NCOA2: variants seen among roughly 807,000 people sequenced by gnomAD.
The protein encoded by NCOA2 is nuclear receptor coactivator 2, also known as class E basic helix-loop-helix protein 75.
NCOA2 carries 21 observed loss-of-function variants against 145.1 expected under a neutral mutation model. That is an observed-to-expected ratio of 0.14 (90% confidence interval 0.10 to 0.21). NCOA2 has a LOEUF of 0.21. Ranked by LOEUF, NCOA2 falls within the 10% of genes least tolerant of loss-of-function variation. NCOA2 has a pLI of 1.00. For synonymous variants in NCOA2, 619 were observed against 637.5 expected (o/e 0.97, Z 0.44); for missense variants, 1,472 against 1,837.6 (o/e 0.80, Z 3.64).
intron 2 of NCOA2, among the ~76,000 whole-genome samples, chr8:70,274,419 A>G (rs1016015586): frequency 6.6e-6 from 1 of 152,210 alleles, no homozygotes; most frequent in African/African-American, 2.4e-5. Context: ...AGAACCTACC[A>G]TGTGCTCAAT....
At chr8:70,135,634 C>G (rs1204765628) in intron 15 of NCOA2, among the ~76,000 whole-genome samples, 2 of 152,052 alleles carry the variant, frequency 1.3e-5, no homozygotes, top group African/African-American at 2.4e-5. Flanking sequence ...TTATAAATGG[C>G]CACTAACACA....
chr8:70,218,326 A>C (rs1819841443), intron 2 of NCOA2, among the ~76,000 whole-genome samples: 1 of 152,020 alleles, frequency 6.6e-6, no homozygotes, highest in Non-Finnish European at 1.5e-5. Flanking sequence ...ATAATTCTCA[A>C]AGCTGATACC....
At chr8:70,222,283 T>G (rs1372333572) in intron 2 of NCOA2, among the ~76,000 whole-genome samples, 1 of 152,194 alleles carries the variant, frequency 6.6e-6, no homozygotes, top group Non-Finnish European at 1.5e-5. Context: ...CACAAACCAC[T>G]ATTATTAGGA....
intron 1 of NCOA2, among the ~76,000 whole-genome samples, chr8:70,330,925 T>C (rs1355327376): frequency 6.6e-6 from 1 of 152,050 alleles, no homozygotes; most frequent in African/African-American, 2.4e-5. Flanking sequence ...GCAAAGCAAA[T>C]AGATAAGGAA....
intron 1 of NCOA2, among the ~76,000 whole-genome samples, chr8:70,357,728 G>A (rs146768508): frequency 0.012 from 1,747 of 151,328 alleles, 43 homozygotes; most frequent in African/African-American, 0.04. Flanking sequence ...GGGCGACAGA[G>A]CAAGACTCCA....
intron 7 of NCOA2, among the ~76,000 whole-genome samples, chr8:70,165,927 C>T (rs1813563533): frequency 1.3e-5 from 2 of 152,200 alleles, no homozygotes; most frequent in African/African-American, 2.4e-5. Context: ...TCAAGTGATT[C>T]TCCTGCCTCA....
At chr8:70,270,633 A>G (rs953984250) in intron 2 of NCOA2, among the ~76,000 whole-genome samples, 2 of 152,144 alleles carry the variant, frequency 1.3e-5, no homozygotes, top group African/African-American at 4.8e-5. Context: ...ATATAAATGT[A>G]TTGTTTTCTT....
chr8:70,222,759 C>G (rs781089286), intron 2 of NCOA2, among the ~76,000 whole-genome samples: 3 of 152,160 alleles, frequency 2.0e-5, no homozygotes, highest in Non-Finnish European at 4.4e-5. Flanking sequence ...TGCAACATAT[C>G]CATCATCTGC....
intron 1 of NCOA2, among the ~76,000 whole-genome samples, chr8:70,341,428 T>A (rs1280007912): frequency 6.6e-6 from 1 of 152,174 alleles, no homozygotes; most frequent in African/African-American, 2.4e-5. Context: ...TAGTTAAAAT[T>A]CTATGAAACT....
intron 4 of NCOA2, among the ~76,000 whole-genome samples, chr8:70,175,807 GA>G (rs1665027380): frequency 1.3e-5 from 2 of 151,610 alleles, no homozygotes; most frequent in South Asian, 4.2e-4. Context: ...ATTAAACGTA[GA>G]AATAGAAAAC....
Position 70,136,981 on chromosome 8 carries a change from G to A in NCOA2, c.3158+1222C>T, listed in dbSNP as rs117494476. 8.4e-3 allele frequency among the ~76,000 whole-genome samples: 1,285 copies of A among 152,298 alleles called. 6 individuals carry two copies. The highest frequency in any genetic ancestry group is 0.014 in the Non-Finnish European group (920 of 68,028). ...GCTTATGCAAAAAACCTAACTGATG[G>A]TAACAGAAACAACAACATGCTAGGG... On this transcript the variant is annotated intron_variant, in intron 15 of 22. Transcript: ENST00000452400.
chr8:70,156,195 G>C lies in NCOA2; in HGVS notation c.2170C>G (p.Pro724Ala). Residue 724 changes from proline (P) to alanine (A), a missense_variant, in exon 11 of 23, where the codon CCT becomes GCT. By Grantham distance (27) the Pro-to-Ala change is conservative. Transcript: ENST00000452400. The stretch of plus-strand genomic sequence containing the variant: ...TGTTTAATAGTCACTTCTGATCCAG[G>C]AGCTGTGCTGCTGGACTCCTGGCTC... The part of the protein sequence containing the change: ...DLSQESSSTA[P>A]GSEVTIKQEP... 4 of 1,613,922 alleles carry C rather than the reference G, an allele frequency of 2.5e-6. No homozygotes were observed. The highest frequency in any genetic ancestry group is 3.4e-6 in the Non-Finnish European group (4 of 1,179,854).
At chr8:70,403,023 G>A (rs1309667929) in intron 1 of NCOA2, among the ~76,000 whole-genome samples, 1 of 120,284 alleles carries the variant, frequency 8.3e-6, no homozygotes, top group Non-Finnish European at 1.8e-5. Context: ...GCCACCCGCC[G>A]GGCCGCGGCT....
At chr8:70,234,977 C>A (rs749988129) in intron 2 of NCOA2, among the ~76,000 whole-genome samples, 1 of 152,136 alleles carries the variant, frequency 6.6e-6, no homozygotes, top group Non-Finnish European at 1.5e-5. Context: ...ACCTCCACAC[C>A]CAAAAGATGT....
At position 70,128,741 on chromosome 8, in the gene NCOA2, T is replaced by C. The variant is rs1399715401; in HGVS notation, c.3564A>G (p.Gln1188=). Reference sequence around the variant, plus strand: ...GGCGATGCTGAAGTTGAAGTCTTAGTTGATTTGGCTGGTTCTGCACTAGGC... The same window carrying C: ...GGCGATGCTGAAGTTGAAGTCTTAGCTGATTTGGCTGGTTCTGCACTAGGC... ...PTGLVQNQPN[Q]LRLQLQHRLQ... The change falls in exon 17 of 23, where the codon CAA becomes CAG. Residue 1188 remains glutamine (Q), a synonymous_variant. Transcript: ENST00000452400. 9 of 1,614,000 alleles carry C rather than the reference T, an allele frequency of 5.6e-6. No individual in the cohort carries two copies. The highest frequency in any genetic ancestry group is 7.6e-6 in the Non-Finnish European group (9 of 1,179,892).
chr8:70,128,556 A>C, intron 17 of NCOA2, 46 bp from the exon 18 acceptor site: 1 of 1,596,778 alleles, frequency 6.3e-7, no homozygotes, highest in Non-Finnish European at 8.6e-7. Flanking sequence ...AACAGAATAC[A>C]TTTTACTTTA....
intron 1 of NCOA2, among the ~76,000 whole-genome samples, chr8:70,329,410 C>CTTTTTTAT (rs1189435837): frequency 6.6e-6 from 1 of 152,038 alleles, no homozygotes; most frequent in Non-Finnish European, 1.5e-5. Context: ...TGTTTCTGAC[C>CTTTTTTAT]TTTTTTATTT....
intron 2 of NCOA2, among the ~76,000 whole-genome samples, chr8:70,274,952 C>CT (rs1825362425): frequency 6.6e-6 from 1 of 152,148 alleles, no homozygotes; most frequent in South Asian, 2.1e-4. Context: ...AAGATTTCGG[C>CT]TAGAGAAGTG....
At chr8:70,182,550 G>A (rs1009210721) in intron 4 of NCOA2, among the ~76,000 whole-genome samples, 7 of 152,158 alleles carry the variant, frequency 4.6e-5, no homozygotes, top group Non-Finnish European at 7.4e-5. Context: ...GAATATTTAG[G>A]CTTTGAGTAT....
Sources: allele counts gnomAD v4.1 joint callset (sites outside exome capture counted in the v4.1 genomes callset), GRCh38; gene constraint gnomAD v4.1.1; transcripts MANE v1.5; gene names NCBI Gene and HGNC (gene_info 2026-07-23, HGNC 2026-07-21).